MGAT4C: variants seen among roughly 807,000 people sequenced by gnomAD.
The protein encoded by MGAT4C is MGAT4 family member C.
Under a neutral mutation model 40.1 loss-of-function variants are expected in MGAT4C, and 19 were observed. The observed-to-expected ratio is 0.47, with a 90% CI of 0.33 to 0.70. The LOEUF is 0.70. Among genes scored for constraint, MGAT4C ranks in the 30% least tolerant of loss-of-function variants. The pLI is 0.02. For missense variants in MGAT4C, 491 were observed against 563.2 expected, an observed-to-expected ratio of 0.87 and a Z score of 1.30; for synonymous variants, 181 against 187.1, an observed-to-expected ratio of 0.97 and a Z score of 0.27.
At chr12:86,240,203 C>CATAT (rs113114301) in intron 1 of MGAT4C, among the ~76,000 whole-genome samples, 2,234 of 150,052 alleles carry the variant, frequency 0.015, 31 homozygotes, top group African/African-American at 0.036. Flanking sequence ...TGATATATAT[C>CATAT]ATATATATAT....
chr12:86,586,413 G>A (rs1160583045), intron 2 of MGAT4C, among the ~76,000 whole-genome samples: 6 of 50,902 alleles, frequency 1.2e-4, no homozygotes, highest in Non-Finnish European at 2.5e-4. Context: ...ATAAACATAC[G>A]TGTGCATGTA....
chr12:86,804,880 A>G (rs767938575), intron 1 of MGAT4C, among the ~76,000 whole-genome samples: 1 of 152,064 alleles, frequency 6.6e-6, no homozygotes, highest in Non-Finnish European at 1.5e-5. Flanking sequence ...TTTGGTAAGT[A>G]ATGCAGGAGG....
intron 1 of MGAT4C, among the ~76,000 whole-genome samples, chr12:86,736,008 TA>T (rs763270184): frequency 6.6e-6 from 1 of 151,882 alleles, no homozygotes; most frequent in Non-Finnish European, 1.5e-5. Flanking sequence ...ACCTTTTCTA[TA>T]AAAAGCCTCT....
intron 2 of MGAT4C, among the ~76,000 whole-genome samples, chr12:86,528,974 GA>G (rs777047600): frequency 9.4e-5 from 14 of 148,222 alleles, no homozygotes; most frequent in South Asian, 4.3e-4. Context: ...AATAAAAGTT[GA>G]AAAAAAAACC....
intron 2 of MGAT4C, among the ~76,000 whole-genome samples, chr12:86,563,211 T>C (rs1356111921): frequency 1.3e-5 from 2 of 152,176 alleles, no homozygotes; most frequent in African/African-American, 2.4e-5. Flanking sequence ...CCATAGTCAC[T>C]CAATTGGAAA....
intron 1 of MGAT4C, among the ~76,000 whole-genome samples, chr12:86,082,675 T>C (rs1592886911): frequency 1.3e-5 from 2 of 152,262 alleles, no homozygotes; most frequent in South Asian, 4.1e-4. Context: ...ACATATGATA[T>C]GATATCTATT....
At chr12:86,293,778 T>C (rs550304539) in intron 4 of MGAT4C, among the ~76,000 whole-genome samples, 6 of 152,134 alleles carry the variant, frequency 3.9e-5, no homozygotes, top group Non-Finnish European at 4.4e-5. Context: ...TCTCACAAGA[T>C]CTGATGGTTT....
chr12:86,786,479 A>C (rs996763897), intron 1 of MGAT4C, among the ~76,000 whole-genome samples: 19 of 152,096 alleles, frequency 1.2e-4, no homozygotes, highest in Admixed American at 1.2e-3. Flanking sequence ...TCAAGAAATT[A>C]AATATGTTGG....
At chr12:86,751,650 T>C (rs1450634269) in intron 1 of MGAT4C, among the ~76,000 whole-genome samples, 1 of 152,060 alleles carries the variant, frequency 6.6e-6, no homozygotes, top group Non-Finnish European at 1.5e-5. Context: ...TTCCATGAAC[T>C]TCTTTATAGA....
chr12:86,770,579 T>C (rs1199755236), intron 1 of MGAT4C, among the ~76,000 whole-genome samples: 1 of 152,084 alleles, frequency 6.6e-6, no homozygotes, highest in Non-Finnish European at 1.5e-5. Flanking sequence ...TTAAAAATAA[T>C]TGTTGGCTGT....
Position 86,608,584 on chromosome 12 carries a change from C to T in MGAT4C, c.-229+118625G>A, listed in dbSNP as rs17014036. 3.1e-3 allele frequency among the ~76,000 whole-genome samples: 470 copies of T among 152,112 alleles called. 2 individuals are homozygous for T. The highest frequency in any genetic ancestry group is 0.011 in the African/African-American group (456 of 41,502). The stretch of plus-strand genomic sequence containing the variant: ...GAGATGCTGTCTCTAATAATGACCT[C>T]TTTCAATGTGCTAGTACTTTATAAT... On this transcript the variant is annotated intron_variant, in intron 2 of 7. Transcript: ENST00000548651.
At chr12:86,827,024 C>A (rs1428665341) in intron 1 of MGAT4C, among the ~76,000 whole-genome samples, 1 of 151,230 alleles carries the variant, frequency 6.6e-6, no homozygotes, top group Non-Finnish European at 1.5e-5. Context: ...TTAGAAAAAT[C>A]AATTCATATA....
intron 2 of MGAT4C, among the ~76,000 whole-genome samples, chr12:86,681,979 G>A (rs1254452273): frequency 6.6e-6 from 1 of 151,946 alleles, no homozygotes; most frequent in East Asian, 1.9e-4. Context: ...AACCTATAGA[G>A]ACAATATAGC....
At chr12:86,656,771 CCAAGTGTGT>C (rs1243367451) in intron 2 of MGAT4C, among the ~76,000 whole-genome samples, 1 of 151,922 alleles carries the variant, frequency 6.6e-6, no homozygotes, top group Non-Finnish European at 1.5e-5. Flanking sequence ...ATGCTCTCAG[CCAAGTGTGT>C]CTTTGCTTTT....
intron 1 of MGAT4C, among the ~76,000 whole-genome samples, chr12:86,167,384 A>C (rs1441233134): frequency 6.6e-6 from 1 of 152,208 alleles, no homozygotes; most frequent in Non-Finnish European, 1.5e-5. Flanking sequence ...TTGTTTATTG[A>C]ATTAGGCAAC....
At chr12:86,208,283 T>C (rs1308320996) in intron 1 of MGAT4C, among the ~76,000 whole-genome samples, 7 of 152,166 alleles carry the variant, frequency 4.6e-5, no homozygotes, top group Admixed American at 4.6e-4. Context: ...CTGGGCAACA[T>C]GGCAAAACCC....
intron 2 of MGAT4C, among the ~76,000 whole-genome samples, chr12:86,713,588 T>C (rs1049834845): frequency 6.6e-6 from 1 of 152,124 alleles, no homozygotes; most frequent in African/African-American, 2.4e-5. Context: ...ATGAAAATAT[T>C]GAGTAAAGTT....
intron 3 of MGAT4C, among the ~76,000 whole-genome samples, chr12:86,422,164 A>G (rs989714559): frequency 2.6e-5 from 4 of 152,202 alleles, no homozygotes; most frequent in African/African-American, 7.2e-5. Context: ...TTAATATGAA[A>G]TATTCAACCA....
chr12:86,622,154 C>A (rs12368932), intron 2 of MGAT4C, among the ~76,000 whole-genome samples: 1 of 151,902 alleles, frequency 6.6e-6, no homozygotes, highest in Non-Finnish European at 1.5e-5. Context: ...TTTATTGTGA[C>A]GTAATTTTAT....
Sources: allele counts gnomAD v4.1 joint callset (sites outside exome capture counted in the v4.1 genomes callset), GRCh38; gene constraint gnomAD v4.1.1; transcripts MANE v1.5; gene names NCBI Gene and HGNC (gene_info 2026-07-23, HGNC 2026-07-21).